The following TRPM3 variants were observed in gnomAD, a reference collection of about 807,000 sequenced individuals.
TRPM3 encodes long transient receptor potential channel 3.
A neutral mutation model predicts 181.2 loss-of-function variants in TRPM3; 77 were observed. The ratio of observed to expected loss-of-function variants is 0.42; its 90% confidence interval spans 0.35 to 0.51. The LOEUF (loss-of-function observed/expected upper bound fraction) is 0.51, where lower values mean the gene tolerates loss of function less well. TRPM3 is among the 20% of genes least tolerant of loss of function. The probability of loss-of-function intolerance (pLI) is 0.01; values close to 1 mark genes in which losing one functional copy is unlikely to be tolerated. For synonymous variants in TRPM3, 745 were observed against 796.4 expected (o/e 0.94, Z 1.09); for missense variants, 1,759 against 2,196.7 (o/e 0.80, Z 3.98).
intron 1 of TRPM3, among the ~76,000 whole-genome samples, chr9:71,362,182 A>G (rs1238919673): frequency 6.6e-6 from 1 of 152,238 alleles, no homozygotes; most frequent in East Asian, 1.9e-4. Context: ...GGGTTCCCCT[A>G]TCCCCAGTCT....
chr9:71,228,073 A>C (rs922616475), intron 1 of TRPM3, among the ~76,000 whole-genome samples: 13 of 152,210 alleles, frequency 8.5e-5, no homozygotes, highest in Non-Finnish European at 1.8e-4. Flanking sequence ...ACACTGATGC[A>C]AAAATTCTCA....
At chr9:71,405,142 T>C (rs906050325) in intron 1 of TRPM3, among the ~76,000 whole-genome samples, 1 of 152,218 alleles carries the variant, frequency 6.6e-6, no homozygotes, top group Non-Finnish European at 1.5e-5. Flanking sequence ...GAATTATCAG[T>C]AAATATTTGC....
chr9:71,002,391 C>G (rs1249073213), intron 1 of TRPM3, among the ~76,000 whole-genome samples: 1 of 152,198 alleles, frequency 6.6e-6, no homozygotes, highest in Non-Finnish European at 1.5e-5. Context: ...AAGTATCTGT[C>G]TCAGGAAACT....
intron 1 of TRPM3, among the ~76,000 whole-genome samples, chr9:71,155,217 C>T (rs2075926857): frequency 6.6e-6 from 1 of 152,118 alleles, no homozygotes; most frequent in Non-Finnish European, 1.5e-5. Flanking sequence ...AGCAGATGAA[C>T]TTAAACAAAT....
intron 1 of TRPM3, among the ~76,000 whole-genome samples, chr9:71,007,118 G>C (rs1444423701): frequency 1.4e-5 from 2 of 145,396 alleles, no homozygotes; most frequent in Non-Finnish European, 3.0e-5. Flanking sequence ...AAAAAGAAAG[G>C]GCCATTATAT....
intron 1 of TRPM3, among the ~76,000 whole-genome samples, chr9:71,003,081 T>C (rs186120011): frequency 1.0e-3 from 158 of 152,210 alleles, no homozygotes; most frequent in African/African-American, 3.6e-3. Context: ...ATTTGTTACA[T>C]TGACATTTTA....
chr9:71,272,270 G>A (rs910485382), intron 1 of TRPM3, among the ~76,000 whole-genome samples: 2 of 152,108 alleles, frequency 1.3e-5, no homozygotes, highest in African/African-American at 2.4e-5. Flanking sequence ...TTTTAAAGGT[G>A]ACTGTAATTG....
intron 1 of TRPM3, among the ~76,000 whole-genome samples, chr9:71,246,457 G>A (rs1383593106): frequency 6.6e-6 from 1 of 152,134 alleles, no homozygotes; most frequent in East Asian, 1.9e-4. Flanking sequence ...ACACATTTTA[G>A]CACATGGTTC....
At chr9:70,862,867 T>G in intron 3 of TRPM3, 41 bp downstream of exon 3, 163 of 1,591,010 alleles carry the variant, frequency 1.0e-4, no homozygotes, top group Non-Finnish European at 1.3e-4. Flanking sequence ...ACTTGAGACT[T>G]GAGATAGCAT....
intron 1 of TRPM3, among the ~76,000 whole-genome samples, chr9:71,159,072 TA>T (rs2076144783): frequency 6.7e-6 from 1 of 149,552 alleles, no homozygotes; most frequent in African/African-American, 2.5e-5. Context: ...TAAGCCTCCA[TA>T]ATGGTGTGAG....
chr9:71,335,848 G>C (rs2090518309), intron 1 of TRPM3, among the ~76,000 whole-genome samples: 1 of 152,006 alleles, frequency 6.6e-6, no homozygotes, highest in Admixed American at 6.6e-5. Flanking sequence ...TTTACAAGTG[G>C]GGAGATACGA....
At chr9:71,280,102 G>T (rs1289490447) in intron 1 of TRPM3, among the ~76,000 whole-genome samples, 2 of 149,824 alleles carry the variant, frequency 1.3e-5, no homozygotes, top group South Asian at 2.1e-4. Flanking sequence ...AAAAGGGGAT[G>T]TATAAGGTTC....
At chr9:71,162,199 C>CAAAAAAAA (rs35947110) in intron 1 of TRPM3, among the ~76,000 whole-genome samples, 4 of 74,404 alleles carry the variant, frequency 5.4e-5, no homozygotes, top group South Asian at 6.3e-4. Context: ...GACTCTGTCT[C>CAAAAAAAA]AAAAAAAAAA....
intron 1 of TRPM3, among the ~76,000 whole-genome samples, chr9:71,037,115 T>G (rs1308684325): frequency 6.6e-6 from 1 of 152,212 alleles, no homozygotes; most frequent in East Asian, 1.9e-4. Context: ...GTGTACTATG[T>G]TATATAAAAA....
At chr9:70,649,966 A>C (rs187009208) in intron 9 of TRPM3, among the ~76,000 whole-genome samples, 15 of 152,358 alleles carry the variant, frequency 9.8e-5, no homozygotes, top group Non-Finnish European at 4.4e-5. Flanking sequence ...ACAATGGAAT[A>C]TTACACAGCC....
intron 1 of TRPM3, among the ~76,000 whole-genome samples, chr9:71,049,077 C>T (rs973227747): frequency 3.3e-5 from 5 of 152,132 alleles, no homozygotes; most frequent in Admixed American, 2.0e-4. Flanking sequence ...CAAATGACTC[C>T]TCCCCCAGAG....
intron 1 of TRPM3, among the ~76,000 whole-genome samples, chr9:71,412,451 C>G (rs1464487466): frequency 3.3e-5 from 5 of 152,208 alleles, no homozygotes; most frequent in East Asian, 1.9e-4. Flanking sequence ...GATATGAACA[C>G]ACACTTCTCA....
At chr9:71,297,851 G>C (rs910590612) in intron 1 of TRPM3, among the ~76,000 whole-genome samples, 1 of 152,104 alleles carries the variant, frequency 6.6e-6, no homozygotes, top group African/African-American at 2.4e-5. Flanking sequence ...TTGACCACTT[G>C]ACTGCCCAAT....
chr9:71,441,929 C>A (rs1312713369), intron 1 of TRPM3, among the ~76,000 whole-genome samples: 3 of 152,174 alleles, frequency 2.0e-5, no homozygotes, highest in Non-Finnish European at 4.4e-5. Flanking sequence ...CTGTGCCCGG[C>A]CTTCTTCATT....
Sources: allele counts gnomAD v4.1 joint callset (sites outside exome capture counted in the v4.1 genomes callset), GRCh38; gene constraint gnomAD v4.1.1; transcripts MANE v1.5; gene names NCBI Gene and HGNC (gene_info 2026-07-23, HGNC 2026-07-21).